TMEM276: variants seen among roughly 807,000 people sequenced by gnomAD.
TMEM276 encodes the protein transmembrane protein 276.
At chr8:144,466,547 G>C in the TMEM276 span, 1 of 1,130,186 alleles carries the variant, frequency 8.8e-7, no homozygotes, top group Non-Finnish European at 1.1e-6. Context: ...GCAGCCCGTC[G>C]TCTCCCGCCG....
the TMEM276 span, chr8:144,465,017 C>T: frequency 3.9e-6 from 6 of 1,536,838 alleles, no homozygotes; most frequent in Non-Finnish European, 5.2e-6. Flanking sequence ...CTAGTAAGCC[C>T]AGGTTCCAGG....
chr8:144,464,207 C>T, the TMEM276 span: 1 of 1,613,210 alleles, frequency 6.2e-7, no homozygotes, highest in Non-Finnish European at 8.5e-7. Flanking sequence ...CGACAGACAT[C>T]CTCCTTCGGT....
At chr8:144,464,340 C>T in the TMEM276 span, 69 of 1,612,046 alleles carry the variant, frequency 4.3e-5, no homozygotes, top group Non-Finnish European at 5.8e-5. Flanking sequence ...TCACTGCGAC[C>T]ACCAACAGCA....
chr8:144,466,883 AC>A, the TMEM276 span: 1 of 1,540,316 alleles, frequency 6.5e-7, no homozygotes, highest in Non-Finnish European at 8.7e-7. Context: ...CGGTGCCGGG[AC>A]CTCCCAGGGA....
At chr8:144,464,493 G>A in the TMEM276 span, 3 of 1,612,186 alleles carry the variant, frequency 1.9e-6, no homozygotes, top group South Asian at 1.1e-5. Context: ...GGGGAAGGCC[G>A]ATGACGGTGG....
At chr8:144,465,086 A>T in the TMEM276 span, 7 of 1,523,746 alleles carry the variant, frequency 4.6e-6, no homozygotes, top group Non-Finnish European at 6.1e-6. Context: ...CCCTGAGGCC[A>T]CTGCACACAC....
At chr8:144,464,235 C>T in the TMEM276 span, 1 of 1,612,870 alleles carries the variant, frequency 6.2e-7, no homozygotes, top group Admixed American at 1.7e-5. Context: ...GCAGCCTGTC[C>T]TCCTCCAGCC....
At chr8:144,466,752 C>T in the TMEM276 span, 4 of 1,525,856 alleles carry the variant, frequency 2.6e-6, no homozygotes, top group Middle Eastern at 2.3e-4. Context: ...CCCCTGCCCC[C>T]TCCCTAGAGA....
the TMEM276 span, chr8:144,466,903 G>A: frequency 6.4e-6 from 10 of 1,556,580 alleles, no homozygotes; most frequent in Non-Finnish European, 8.6e-6. Context: ...GAGGGGCGGA[G>A]GCCTGGCTCA....
the TMEM276 span, chr8:144,463,903 A>G: frequency 7.1e-7 from 1 of 1,403,676 alleles, no homozygotes; most frequent in South Asian, 1.7e-5. Context: ...CAGAATCAGG[A>G]CCCCCAAACG....
chr8:144,465,424 G>A, the TMEM276 span: 14 of 1,010,724 alleles, frequency 1.4e-5, no homozygotes, highest in East Asian at 2.2e-4. Context: ...CACCGCCGTC[G>A]GCCCTGCCTC....
the TMEM276 span, chr8:144,463,845 T>C: frequency 6.8e-6 from 9 of 1,323,308 alleles, no homozygotes; most frequent in Admixed American, 3.7e-5. Flanking sequence ...ATTCCTAAGA[T>C]TTATTGGAGA....
At chr8:144,464,633 G>A in the TMEM276 span, 10 of 1,589,154 alleles carry the variant, frequency 6.3e-6, no homozygotes, top group South Asian at 2.3e-5. Context: ...AGGGAAGGGA[G>A]AACACGTGGG....
the TMEM276 span, chr8:144,464,740 T>G: frequency 6.3e-7 from 1 of 1,592,800 alleles, no homozygotes; most frequent in Non-Finnish European, 8.6e-7. Flanking sequence ...TCTCTCTAAT[T>G]CAGGAAACTA....
chr8:144,466,796 C>T, the TMEM276 span: 2 of 1,535,968 alleles, frequency 1.3e-6, no homozygotes, highest in Non-Finnish European at 8.7e-7. Context: ...GCGCCCAGAC[C>T]TGCCCGCGCC....
At chr8:144,464,024 A>G in the TMEM276 span, 12 of 1,526,346 alleles carry the variant, frequency 7.9e-6, no homozygotes, top group South Asian at 1.6e-4. Context: ...AACCCACTTC[A>G]GTAGGCAGAA....
At chr8:144,466,956 C>T in the TMEM276 span, 3 of 1,591,116 alleles carry the variant, frequency 1.9e-6, no homozygotes, top group East Asian at 2.2e-5. Flanking sequence ...CCCTGACCGG[C>T]AGCCAGCTCC....
At chr8:144,465,529 G>T in the TMEM276 span, 2 of 696,468 alleles carry the variant, frequency 2.9e-6, no homozygotes, top group East Asian at 1.4e-4. Context: ...GGCTAGAGCG[G>T]CTGGGGGGGG....
the TMEM276 span, chr8:144,466,793 G>T: frequency 6.5e-7 from 1 of 1,535,702 alleles, no homozygotes; most frequent in Non-Finnish European, 8.7e-7. Flanking sequence ...CCGGCGCCCA[G>T]ACCTGCCCGC....
Sources: allele counts gnomAD v4.1 joint callset, GRCh38; gene constraint gnomAD v4.1.1; transcripts MANE v1.5; gene names NCBI Gene and HGNC (gene_info 2026-07-23, HGNC 2026-07-21).